Variants in PCBD2 observed in about 807,000 individuals in gnomAD.
PCBD2 encodes the protein pterin-4-alpha-carbinolamine dehydratase 2.
PCBD2 carries 12 observed loss-of-function variants against 16.4 expected under a neutral mutation model. The observed-to-expected ratio is 0.73, with a 90% confidence interval of 0.47 to 1.19. PCBD2 has a LOEUF of 1.19. Among genes scored for constraint, PCBD2 ranks in the 50% most tolerant of loss-of-function variants. The probability of loss-of-function intolerance (pLI) is 0.00; values close to 1 mark genes in which losing one functional copy is unlikely to be tolerated. For synonymous variants in PCBD2, 58 were observed against 61.8 expected, an observed-to-expected ratio of 0.94 and a Z score of 0.29; for missense variants, 138 against 156.8, an observed-to-expected ratio of 0.88 and a Z score of 0.64.
At chr5:134,934,433 G>A (rs1202386934) in intron 2 of PCBD2, among the ~76,000 whole-genome samples, 1 of 152,144 alleles carries the variant, frequency 6.6e-6, no homozygotes, top group African/African-American at 2.4e-5. Context: ...GCTCCGTGGT[G>A]TCTAATCAGG....
chr5:134,907,326 C>A (rs1750707119), intron 1 of PCBD2, among the ~76,000 whole-genome samples: 1 of 152,200 alleles, frequency 6.6e-6, no homozygotes, highest in East Asian at 1.9e-4. Flanking sequence ...CGCACTGCAA[C>A]TTTGCCTCCT....
chr5:134,961,568 G>A lies in PCBD2; in HGVS notation c.*887G>A, dbSNP rs572093053. On this transcript the variant is annotated 3_prime_UTR_variant, in exon 4 of 4. Transcript: ENST00000254908. Reference sequence around the variant, plus strand: ...GAAAGTGTTGGGATCACAGGCATGAGCCACCGCGCTTGGCCAGAAGTGGCA... The same window carrying A: ...GAAAGTGTTGGGATCACAGGCATGAACCACCGCGCTTGGCCAGAAGTGGCA... 6.6e-6 allele frequency among the ~76,000 whole-genome samples: 1 copy of A among 152,304 alleles called. No homozygotes were observed. Among genetic ancestry groups the A allele is most frequent in the East Asian group, 1.9e-4 (1 of 5,186 alleles).
At chr5:134,912,386 G>A (rs935372025) in intron 2 of PCBD2, among the ~76,000 whole-genome samples, 1 of 152,192 alleles carries the variant, frequency 6.6e-6, no homozygotes, top group African/African-American at 2.4e-5. Flanking sequence ...ACCTACAGTC[G>A]AACAAGTTGA....
Position 134,912,984 on chromosome 5 carries a change from A to G in PCBD2, c.216+2518A>G, listed in dbSNP as rs77488348. On this transcript the variant is annotated intron_variant, in intron 2 of 3. Transcript: ENST00000254908. ...ATGGTGTAAGTAAAAAAAATTTCCAATCGCAACTACTTTTATTTTTCTCTG... is the reference window on the plus strand; with the variant it reads ...ATGGTGTAAGTAAAAAAAATTTCCAGTCGCAACTACTTTTATTTTTCTCTG... Among the ~76,000 whole-genome samples, 1,107 of 152,278 alleles carry G rather than the reference A, an allele frequency of 7.3e-3. 17 individuals carry two copies. Among genetic ancestry groups the G allele is most frequent in the East Asian group, 0.054 (278 of 5,190 alleles).
intron 2 of PCBD2, among the ~76,000 whole-genome samples, chr5:134,956,989 G>T (rs1751422320): frequency 6.6e-6 from 1 of 152,210 alleles, no homozygotes; most frequent in Non-Finnish European, 1.5e-5. Context: ...AGAGGGCCAG[G>T]CATGGTGGCT....
intron 2 of PCBD2, chr5:134,926,289 T>C: frequency 2.9e-6 from 1 of 348,090 alleles, no homozygotes; most frequent in Non-Finnish European, 5.1e-6. Flanking sequence ...CTTCTTGGTC[T>C]AGGTATATGA....
intron 1 of PCBD2, 141 bp downstream of exon 1, chr5:134,905,364 G>C (rs1750672101): frequency 1.6e-5 from 11 of 681,178 alleles, no homozygotes; most frequent in Admixed American, 4.5e-5. Context: ...GGGTCACCGC[G>C]TCCCGGGACT....
chr5:134,952,101 T>A (rs1751365062), intron 2 of PCBD2, among the ~76,000 whole-genome samples: 1 of 152,044 alleles, frequency 6.6e-6, no homozygotes, highest in Non-Finnish European at 1.5e-5. Flanking sequence ...TTAAATGATA[T>A]CTTTTCTTCG....
At chr5:134,952,866 A>G (rs576368414) in intron 2 of PCBD2, among the ~76,000 whole-genome samples, 3 of 151,684 alleles carry the variant, frequency 2.0e-5, no homozygotes, top group African/African-American at 4.8e-5. Flanking sequence ...ATTTATTCCT[A>G]TATTTCCTAC....
At chr5:134,909,914 CA>C (rs1425303968) in intron 1 of PCBD2, among the ~76,000 whole-genome samples, 1 of 152,128 alleles carries the variant, frequency 6.6e-6, no homozygotes, top group Non-Finnish European at 1.5e-5. Context: ...ACCAAAAATA[CA>C]AAAAATTAGT....
At chr5:134,926,181 T>G (rs1373631417) in intron 2 of PCBD2, 1 of 318,792 alleles carries the variant, frequency 3.1e-6, no homozygotes, top group Non-Finnish European at 5.7e-6. Context: ...TAACGAACAG[T>G]GCTACAGGGA....
intron 2 of PCBD2, among the ~76,000 whole-genome samples, chr5:134,954,487 T>G (rs1227511386): frequency 6.6e-6 from 1 of 152,224 alleles, no homozygotes; most frequent in African/African-American, 2.4e-5. Flanking sequence ...GCTAATACCT[T>G]TGGTATAGTT....
intron 2 of PCBD2, among the ~76,000 whole-genome samples, chr5:134,943,348 A>G (rs747566453): frequency 1.3e-5 from 2 of 152,188 alleles, no homozygotes; most frequent in Non-Finnish European, 2.9e-5. Flanking sequence ...AAGATCACGG[A>G]AACATGAATT....
At position 134,960,605 on chromosome 5, in the gene PCBD2, C is replaced by T. The variant is rs1751463692; in HGVS notation, c.317C>T (p.Ser106Leu). ...VYNKVQITLT[S>L]HDCGELTKKD... The stretch of plus-strand genomic sequence containing the variant: ...TCTTAGGTCCAGATAACTCTCACCT[C>T]ACATGACTGTGGTGAACTGACCAAA... Residue 106 changes from serine to leucine, a missense_variant, in exon 4 of 4, where the codon TCA becomes TTA. Coordinates refer to ENST00000254908, the MANE Select transcript of PCBD2 (RefSeq NM_032151.5). 1.2e-6 allele frequency: 2 copies of T among 1,611,980 alleles called. No individual in the cohort carries two copies. The highest frequency in any genetic ancestry group is 1.7e-6 in the Non-Finnish European group (2 of 1,178,380).
chr5:134,906,985 A>G (rs1750699341), intron 1 of PCBD2, among the ~76,000 whole-genome samples: 1 of 152,200 alleles, frequency 6.6e-6, no homozygotes, highest in African/African-American at 2.4e-5. Flanking sequence ...TCCATTTCCC[A>G]GTCCTGGGTG....
rs1751323797 is a variant in PCBD2 at position 134,948,447 on chromosome 5, T to G, written c.217-10593T>G. Among the ~76,000 whole-genome samples the G allele has an allele frequency of 3.3e-5, 5 of 152,264 alleles. No individual in the cohort carries two copies. In the South Asian group the frequency reaches 1.0e-3, roughly 32 times the overall value. ...TTGGTAAAATCGTGTGTAGAGTTTT[T>G]TTTTGTGGATGTAAACCCTGCCACC... On this transcript the variant is annotated intron_variant, in intron 2 of 3. Transcript: ENST00000254908.
In PCBD2 at chr5:134,911,704, G is replaced by A. The variant is rs183192028; in HGVS notation, c.216+1238G>A. On this transcript the variant is annotated intron_variant, in intron 2 of 3. Coordinates refer to ENST00000254908, the MANE Select transcript of PCBD2 (RefSeq NM_032151.5). ...CATGTTTTCCTAGTAAATGTCATTG[G>A]CTCCACTGAGCTGCATGCCCGATTC... Among the ~76,000 whole-genome samples the A allele has an allele frequency of 9.5e-4, 145 of 152,262 alleles. 3 individuals carry two copies. The highest frequency in any genetic ancestry group is 8.2e-3 in the Admixed American group (125 of 15,286).
chr5:134,907,057 G>A (rs768741522), intron 1 of PCBD2, among the ~76,000 whole-genome samples: 1 of 152,218 alleles, frequency 6.6e-6, no homozygotes, highest in African/African-American at 2.4e-5. Flanking sequence ...TGATCTTAGC[G>A]GGGATGTGGA....
At chr5:134,955,844 G>A (rs1354164703) in intron 2 of PCBD2, among the ~76,000 whole-genome samples, 5 of 152,148 alleles carry the variant, frequency 3.3e-5, no homozygotes, top group Admixed American at 1.3e-4. Flanking sequence ...AACTAAGACT[G>A]TAAAAAGAAA....
Sources: allele counts gnomAD v4.1 joint callset (sites outside exome capture counted in the v4.1 genomes callset), GRCh38; gene constraint gnomAD v4.1.1; transcripts MANE v1.5; gene names NCBI Gene and HGNC (gene_info 2026-07-23, HGNC 2026-07-21).